Variants in ADAMTS6 observed in about 807,000 individuals in gnomAD.
ADAMTS6 encodes A disintegrin and metalloproteinase with thrombospondin motifs 6.
A neutral mutation model predicts 144.3 loss-of-function variants in ADAMTS6; 23 were observed. The ratio of observed to expected loss-of-function variants is 0.16; its 90% CI spans 0.11 to 0.23. The LOEUF (loss-of-function observed/expected upper bound fraction) is 0.23. Ranked by LOEUF, ADAMTS6 falls within the 10% of genes least tolerant of loss-of-function variation. ADAMTS6 has a pLI of 1.00. For missense variants in ADAMTS6, 999 were observed against 1,379.6 expected (o/e 0.72, Z 4.37); for synonymous variants, 444 against 457.5 (o/e 0.97, Z 0.38).
rs1023566165 is a variant in ADAMTS6 at position 65,408,531 on chromosome 5, C to T, written c.1073+42944G>A. On this transcript the variant is annotated intron_variant, in intron 7 of 24. Transcript: ENST00000381055. ...TTAGAGCCATACAAAGAGACTTAGA[C>T]TCCCATACAATAATAATGGGAGACT... Among the ~76,000 whole-genome samples the T allele has an allele frequency of 9.2e-5, 14 of 152,264 alleles. No individual in the cohort carries two copies. In the East Asian group the frequency reaches 1.5e-3, roughly 17 times the overall value.
At chr5:65,455,969 A>G (rs1021767234) in intron 4 of ADAMTS6, among the ~76,000 whole-genome samples, 2 of 151,690 alleles carry the variant, frequency 1.3e-5, no homozygotes, top group Non-Finnish European at 2.9e-5. Flanking sequence ...TTAAAACTAT[A>G]TATTTTTATT....
At chr5:65,345,232 A>C (rs1353314761) in intron 7 of ADAMTS6, among the ~76,000 whole-genome samples, 1 of 151,738 alleles carries the variant, frequency 6.6e-6, no homozygotes, top group Non-Finnish European at 1.5e-5. Flanking sequence ...ATAACCTTCC[A>C]ATTTCCACTC....
In ADAMTS6 at chr5:65,150,492, A is replaced by C. The variant is rs982782346; in HGVS notation, c.*1344T>G. The C allele has an allele frequency of 1.3e-5, 2 of 152,650 alleles. No homozygotes were observed. The highest frequency in any genetic ancestry group is 6.5e-5 in the Admixed American group (1 of 15,276). The allele number at this position is 152,650 out of a possible 1,614,324, so 9.5% of individuals were successfully genotyped here. On this transcript the variant is annotated 3_prime_UTR_variant, in exon 25 of 25. Coordinates refer to ENST00000381055, the MANE Select transcript of ADAMTS6 (RefSeq NM_197941.4). ...ATTCCAGAATTTGACTTGCCCAAGA[A>C]ACTGGGTTTCACATTTAATTGCCAT...
chr5:65,207,255 AAAG>A (rs1756168348), intron 20 of ADAMTS6, among the ~76,000 whole-genome samples: 5 of 152,196 alleles, frequency 3.3e-5, no homozygotes, highest in Admixed American at 3.3e-4. Flanking sequence ...ACTTCTATTC[AAAG>A]AAGAAGAAAG....
chr5:65,347,993 G>C (rs1024729918), intron 7 of ADAMTS6, among the ~76,000 whole-genome samples: 1 of 152,102 alleles, frequency 6.6e-6, no homozygotes, highest in Non-Finnish European at 1.5e-5. Flanking sequence ...ATACTTGTTA[G>C]AATGACTATC....
rs553920161 is a variant in ADAMTS6, at chr5:65,382,623, C to T, written c.1074-48538G>A. ...GACCTGGCACTTTATTGATCTTCAA[C>T]CTCATTTCATACTTCATTTTTGCCT... is the stretch of plus-strand genomic sequence containing the variant. On this transcript the variant is annotated intron_variant, in intron 7 of 24. Coordinates refer to ENST00000381055, the MANE Select transcript of ADAMTS6 (RefSeq NM_197941.4). 7.2e-5 allele frequency among the ~76,000 whole-genome samples: 11 copies of T among 152,318 alleles called. No individual in the cohort carries two copies. In the East Asian group the frequency reaches 2.1e-3, roughly 29 times the overall value.
At chr5:65,333,997 T>TAAAAAAAAAAAA (rs750637450) in intron 8 of ADAMTS6, 45 bp downstream of exon 8, 201 of 842,320 alleles carry the variant, frequency 2.4e-4, no homozygotes, top group East Asian at 5.1e-4. Context: ...CTACCTTTAT[T>TAAAAAAAAAAAA]AAAAAAAAAA....
At chr5:65,376,102 G>C (rs943101212) in intron 7 of ADAMTS6, among the ~76,000 whole-genome samples, 2 of 151,768 alleles carry the variant, frequency 1.3e-5, no homozygotes, top group Admixed American at 6.6e-5. Context: ...CACACTCTGG[G>C]GCCTGTTGTG....
intron 7 of ADAMTS6, among the ~76,000 whole-genome samples, chr5:65,351,728 G>C (rs1389045190): frequency 1.3e-5 from 2 of 151,976 alleles, no homozygotes; most frequent in Admixed American, 1.3e-4. Flanking sequence ...GCCCCTGTGT[G>C]CTATAATCAC....
Position 65,460,344 on chromosome 5 carries a change from A to G in ADAMTS6, c.463-6T>C, listed in dbSNP as rs1048695308. The G allele has an allele frequency of 5.1e-6, 8 of 1,583,852 alleles. No individual in the cohort carries two copies. In the African/African-American group the frequency reaches 1.1e-4, roughly 22 times the overall value. The stretch of plus-strand genomic sequence containing the variant: ...TCTGTAGCAATAACACCATGCTAAA[A>G]GAAAAATAAACAAAGAACTTACCAA... On this transcript the variant is annotated splice_polypyrimidine_tract_variant and splice_region_variant and intron_variant, in intron 3 of 24. Transcript: ENST00000381055.
chr5:65,448,237 G>A (rs1339992791), intron 7 of ADAMTS6, among the ~76,000 whole-genome samples: 1 of 151,944 alleles, frequency 6.6e-6, no homozygotes, highest in Non-Finnish European at 1.5e-5. Flanking sequence ...TGTCTAGTCA[G>A]AGTGATCTGA....
Position 65,398,781 on chromosome 5 carries a change from C to CGAGAAAGAAAGAAAGAAAGAAAGAA in ADAMTS6, c.1073+52693_1073+52694insTTCTTTCTTTCTTTCTTTCTTTCTC, listed in dbSNP as rs1156386169. Reference sequence around the variant, plus strand: ...AGAGAGAGAGAGAAAGAAGAGAGAGCAAGAAAGAAAGAAAGAAAGAAAGAA... The same window carrying CGAGAAAGAAAGAAAGAAAGAAAGAA: ...AGAGAGAGAGAGAAAGAAGAGAGAGCGAGAAAGAAAGAAAGAAAGAAAGAAAAGAAAGAAAGAAAGAAAGAAAGAA... On this transcript the variant is annotated intron_variant, in intron 7 of 24. Coordinates refer to ENST00000381055, the MANE Select transcript of ADAMTS6 (RefSeq NM_197941.4). Among the ~76,000 whole-genome samples, 36 of 106,902 alleles carry CGAGAAAGAAAGAAAGAAAGAAAGAA rather than the reference C, an allele frequency of 3.4e-4. 3 individuals carry two copies. Among genetic ancestry groups the CGAGAAAGAAAGAAAGAAAGAAAGAA allele is most frequent in the Admixed American group, 6.0e-4 (6 of 9,968 alleles). The allele number at this position is 106,902 out of a possible 152,430, so 70.1% of individuals were successfully genotyped here.
rs1759069209 is a variant in ADAMTS6, at chr5:65,240,379, G to A, written c.1933+1725C>T. Among the ~76,000 whole-genome samples the A allele has an allele frequency of 1.3e-5, 2 of 151,922 alleles. 1 individual carries two copies. Among genetic ancestry groups the A allele is most frequent in the South Asian group, 4.2e-4 (2 of 4,816 alleles). On this transcript the variant is annotated intron_variant, in intron 15 of 24. Transcript: ENST00000381055. The stretch of plus-strand genomic sequence containing the variant: ...TCTGGAACAGGCAAAACTAAACTAT[G>A]GTGAGAAAAAAAGTCAGAATGATGG...
At chr5:65,206,758 T>C (rs1756117103) in intron 20 of ADAMTS6, among the ~76,000 whole-genome samples, 1 of 145,444 alleles carries the variant, frequency 6.9e-6, no homozygotes, top group Non-Finnish European at 1.5e-5. Context: ...ATAAAAAGAA[T>C]TTGTCCTAGC....
At chr5:65,297,036 C>A in intron 10 of ADAMTS6, 1 of 333,642 alleles carries the variant, frequency 3.0e-6, no homozygotes. Flanking sequence ...AGCCATAATA[C>A]CAGGTTCACC....
chr5:65,451,717 A>G, intron 6 of ADAMTS6, 97 bp from the exon 7 acceptor site: 1 of 1,419,046 alleles, frequency 7.0e-7, no homozygotes, highest in Non-Finnish European at 9.7e-7. Flanking sequence ...AATTAGAAGC[A>G]GTGTTTCTAG....
chr5:65,451,765 G>C, intron 6 of ADAMTS6, 145 bp from the exon 7 acceptor site: 1 of 919,910 alleles, frequency 1.1e-6, no homozygotes, highest in Non-Finnish European at 1.6e-6. Context: ...TGTAATATCT[G>C]ACCTAGAGCT....
chr5:65,311,653 C>T (rs1257239897), intron 9 of ADAMTS6, among the ~76,000 whole-genome samples: 1 of 151,830 alleles, frequency 6.6e-6, no homozygotes, highest in Non-Finnish European at 1.5e-5. Flanking sequence ...TATATGATCC[C>T]CCCTAACACT....
rs77828819 is a variant in ADAMTS6 at position 65,272,080 on chromosome 5, G to C, written c.1620+1260C>G. On this transcript the variant is annotated intron_variant, in intron 12 of 24. Coordinates refer to ENST00000381055, the MANE Select transcript of ADAMTS6 (RefSeq NM_197941.4). ...TAGGTCATGGGTCCTGAATGAAGCC[G>C]TCAGCAAGGATTAATAAACTGTGAC... Among the ~76,000 whole-genome samples the C allele has an allele frequency of 5.6e-3, 853 of 152,244 alleles. 10 individuals are homozygous for C. Among genetic ancestry groups the C allele is most frequent in the African/African-American group, 0.019 (801 of 41,546 alleles).
Sources: allele counts gnomAD v4.1 joint callset (sites outside exome capture counted in the v4.1 genomes callset), GRCh38; gene constraint gnomAD v4.1.1; transcripts MANE v1.5; gene names NCBI Gene and HGNC (gene_info 2026-07-23, HGNC 2026-07-21).